Variants in CAMKMT observed in about 807,000 individuals in gnomAD.
The protein encoded by CAMKMT is CaM KMT.
Under a neutral mutation model 48.0 loss-of-function variants are expected in CAMKMT, and 53 were observed. That is an observed-to-expected ratio of 1.10 (90% CI 0.89 to 1.39). The LOEUF is 1.39. CAMKMT is among the 40% of genes most tolerant of loss of function. CAMKMT has a pLI of 0.00. For synonymous variants in CAMKMT, 165 were observed against 152.3 expected (o/e 1.08, Z -0.61); for missense variants, 428 against 402.7 (o/e 1.06, Z -0.54).
chr2:44,423,201 AC>A (rs1156840293), intron 3 of CAMKMT, among the ~76,000 whole-genome samples: 3 of 151,482 alleles, frequency 2.0e-5, no homozygotes. Flanking sequence ...TTATTTTGAG[AC>A]AGAGTCTCCC....
intron 3 of CAMKMT, among the ~76,000 whole-genome samples, chr2:44,699,772 A>G (rs370139443): frequency 8.6e-4 from 131 of 152,266 alleles, no homozygotes; most frequent in African/African-American, 3.1e-3. Context: ...GAGCCAGGCT[A>G]GACTTAGCAT....
intron 3 of CAMKMT, among the ~76,000 whole-genome samples, chr2:44,540,961 C>T (rs1667075465): frequency 6.6e-6 from 1 of 152,164 alleles, no homozygotes; most frequent in Non-Finnish European, 1.5e-5. Context: ...GCATCATTTA[C>T]CAAAAAGTTC....
chr2:44,468,570 T>A (rs1668249346), intron 3 of CAMKMT, among the ~76,000 whole-genome samples: 13 of 152,308 alleles, frequency 8.5e-5, no homozygotes, highest in Middle Eastern at 6.8e-3. Context: ...TGCAGCACTG[T>A]TCATAGTAGC....
At chr2:44,383,834 GTA>G (rs561711135) in intron 2 of CAMKMT, among the ~76,000 whole-genome samples, 1 of 151,090 alleles carries the variant, frequency 6.6e-6, no homozygotes, top group Non-Finnish European at 1.5e-5. Context: ...GTATTCCATT[GTA>G]TATATATATA....
intron 7 of CAMKMT, among the ~76,000 whole-genome samples, chr2:44,731,378 A>G (rs59730111): frequency 0.021 from 3,124 of 152,262 alleles, 96 homozygotes; most frequent in African/African-American, 0.07. Context: ...TCACTCCCCT[A>G]CAGCCAGGAG....
intron 3 of CAMKMT, among the ~76,000 whole-genome samples, chr2:44,446,799 C>G (rs1400065411): frequency 6.6e-6 from 1 of 152,228 alleles, no homozygotes; most frequent in African/African-American, 2.4e-5. Context: ...CTTTCATCAT[C>G]ACAGTCTTTC....
intron 3 of CAMKMT, among the ~76,000 whole-genome samples, chr2:44,469,962 A>T (rs1017807233): frequency 6.6e-6 from 1 of 150,658 alleles, no homozygotes; most frequent in Non-Finnish European, 1.5e-5. Context: ...AATATCTTCT[A>T]TTGCTTTCTT....
intron 3 of CAMKMT, among the ~76,000 whole-genome samples, chr2:44,678,441 C>T (rs759495314): frequency 6.6e-6 from 1 of 152,192 alleles, no homozygotes; most frequent in Non-Finnish European, 1.5e-5. Context: ...AGCATGACCA[C>T]CCTTGGTACA....
chr2:44,589,241 G>A (rs1318180137), intron 3 of CAMKMT, among the ~76,000 whole-genome samples: 4 of 41,480 alleles, frequency 9.6e-5, no homozygotes, highest in African/African-American at 1.0e-4. Flanking sequence ...CTGGCCAGCC[G>A]CCCCGTCCGG....
At chr2:44,698,976 G>A (rs919735744) in intron 3 of CAMKMT, among the ~76,000 whole-genome samples, 23 of 152,156 alleles carry the variant, frequency 1.5e-4, no homozygotes, top group African/African-American at 3.9e-4. Context: ...TTCTTTACCC[G>A]TGCGTAAGAA....
In CAMKMT at chr2:44,384,599, A is replaced by T. The variant is rs553759264; in HGVS notation, c.312-5642A>T. 5.5e-5 allele frequency among the ~76,000 whole-genome samples: 8 copies of T among 145,630 alleles called. No individual in the cohort carries two copies. In the East Asian group the frequency reaches 1.4e-3, roughly 26 times the overall value. On this transcript the variant is annotated intron_variant, in intron 2 of 10. Coordinates refer to ENST00000378494, the MANE Select transcript of CAMKMT (RefSeq NM_024766.5). Reference sequence around the variant, plus strand: ...AAGAGTTTTTCCAATGTTATCTTCTAGAATTTTGATAGTTTCAGGTCTTAG... The same window carrying T: ...AAGAGTTTTTCCAATGTTATCTTCTTGAATTTTGATAGTTTCAGGTCTTAG...
intron 9 of CAMKMT, 136 bp from the exon 10 acceptor site, chr2:44,766,294 C>A: frequency 2.3e-6 from 2 of 856,610 alleles, no homozygotes; most frequent in South Asian, 1.6e-5. Context: ...CTGTGAATGT[C>A]CATCCTGCAT....
In CAMKMT at chr2:44,495,021, A is replaced by C. The variant is rs569598117; in HGVS notation, c.376+104716A>C. 3.2e-3 allele frequency among the ~76,000 whole-genome samples: 481 copies of C among 152,358 alleles called. 2 individuals are homozygous for C. Among genetic ancestry groups the C allele is most frequent in the African/African-American group, 0.011 (463 of 41,586 alleles). ...TTGAATGAACGTGAGATGTAGAGTG[A>C]TGATGGATAGACCCTAATTATGTCC... is the stretch of plus-strand genomic sequence containing the variant. On this transcript the variant is annotated intron_variant, in intron 3 of 10. Coordinates refer to ENST00000378494, the MANE Select transcript of CAMKMT (RefSeq NM_024766.5).
chr2:44,424,061 C>T (rs1389987844), intron 3 of CAMKMT, among the ~76,000 whole-genome samples: 1 of 152,140 alleles, frequency 6.6e-6, no homozygotes, highest in African/African-American at 2.4e-5. Flanking sequence ...ACATTCATTA[C>T]AGAGCCAAGT....
intron 3 of CAMKMT, among the ~76,000 whole-genome samples, chr2:44,610,924 G>A (rs1039709909): frequency 6.6e-6 from 1 of 152,124 alleles, no homozygotes; most frequent in Non-Finnish European, 1.5e-5. Context: ...GAGAATGGAA[G>A]GGCTTAAAGC....
intron 3 of CAMKMT, among the ~76,000 whole-genome samples, chr2:44,569,816 G>A (rs932508889): frequency 1.3e-5 from 2 of 152,058 alleles, no homozygotes; most frequent in Non-Finnish European, 2.9e-5. Flanking sequence ...TTTTTTTCTA[G>A]TATAAGGCAA....
At chr2:44,620,407 C>T (rs1195258555) in intron 3 of CAMKMT, among the ~76,000 whole-genome samples, 2 of 152,180 alleles carry the variant, frequency 1.3e-5, no homozygotes, top group East Asian at 1.9e-4. Flanking sequence ...ATTAACCCTA[C>T]ATAAAGCTAA....
intron 3 of CAMKMT, among the ~76,000 whole-genome samples, chr2:44,646,902 A>G (rs184415598): frequency 2.6e-5 from 4 of 152,322 alleles, no homozygotes; most frequent in African/African-American, 4.8e-5. Context: ...ATGAGAGCCA[A>G]TGGGTCTGTG....
At chr2:44,451,623 C>G (rs1667290906) in intron 3 of CAMKMT, among the ~76,000 whole-genome samples, 2 of 151,872 alleles carry the variant, frequency 1.3e-5, no homozygotes, top group African/African-American at 2.4e-5. Context: ...CTTAGCAGTT[C>G]TTTATTCAGT....
Sources: allele counts gnomAD v4.1 joint callset (sites outside exome capture counted in the v4.1 genomes callset), GRCh38; gene constraint gnomAD v4.1.1; transcripts MANE v1.5; gene names NCBI Gene and HGNC (gene_info 2026-07-23, HGNC 2026-07-21).